ZNF561: variants seen among roughly 807,000 people sequenced by gnomAD.
ZNF561 encodes zinc finger protein 561.
In ZNF561, 16 loss-of-function variants were observed where a neutral mutation model predicts 16.7. That is an observed-to-expected ratio of 0.96 (90% confidence interval 0.65 to 1.45). The LOEUF (loss-of-function observed/expected upper bound fraction) is 1.45. Among genes scored for constraint, ZNF561 ranks in the 40% most tolerant of loss-of-function variants. ZNF561 has a pLI of 0.00. For missense variants in ZNF561, 580 were observed against 578.0 expected, an observed-to-expected ratio of 1.00 and a Z score of -0.04; for synonymous variants, 190 against 192.1, an observed-to-expected ratio of 0.99 and a Z score of 0.09.
chr19:9,618,879 G>T (rs1288396532), intron 2 of ZNF561, among the ~76,000 whole-genome samples: 1 of 152,174 alleles, frequency 6.6e-6, no homozygotes, highest in Admixed American at 6.5e-5. Context: ...TACTTTGGGA[G>T]GCCAAGGCGG....
At chr19:9,614,687 T>C (rs1319687170) in intron 4 of ZNF561, among the ~76,000 whole-genome samples, 6 of 152,072 alleles carry the variant, frequency 3.9e-5, no homozygotes, top group African/African-American at 1.4e-4. Context: ...ATAAACAGCA[T>C]GTATCAGAAT....
chr19:9,620,080 C>T (rs1159479179), intron 1 of ZNF561, among the ~76,000 whole-genome samples: 1 of 151,758 alleles, frequency 6.6e-6, no homozygotes, highest in South Asian at 2.1e-4. Context: ...AGGTGCGTAT[C>T]ATCACTCATT....
chr19:9,616,235 C>T (rs1477068656), intron 4 of ZNF561, among the ~76,000 whole-genome samples: 1 of 152,156 alleles, frequency 6.6e-6, no homozygotes, highest in Non-Finnish European at 1.5e-5. Context: ...TAACATACAT[C>T]TGCCCTATAA....
At chr19:9,617,769 CTGA>C (rs1452710227) in intron 3 of ZNF561, 2 of 464,382 alleles carry the variant, frequency 4.3e-6, no homozygotes, top group African/African-American at 2.0e-5. Context: ...CTGATAAATG[CTGA>C]TAAGTGAATG....
In ZNF561 at chr19:9,617,403, T is replaced by C. The variant is rs1025819010; in HGVS notation, c.115-232A>G. 4.3e-6 allele frequency: 4 copies of C among 929,156 alleles called. No individual in the cohort carries two copies. In the African/African-American group the frequency reaches 6.9e-5, roughly 16 times the overall value. 57.6% of individuals were successfully genotyped at this position (929,156 alleles called of 1,614,324 possible). ...AAAATTTTTTTAAATCTTTTTTTGC[T>C]GATCTATTTTTAATTTTTTAATATT... On this transcript the variant is annotated intron_variant, in intron 3 of 5. Transcript: ENST00000302851.
rs565438311 is a variant in ZNF561 at position 9,618,077 on chromosome 19, C to T, written c.114+14G>A. 223 of 1,547,912 alleles carry T rather than the reference C, an allele frequency of 1.4e-4. No homozygotes were observed. The highest frequency in any genetic ancestry group is 1.9e-4 in the Non-Finnish European group (214 of 1,144,136). ...AAGCATATCATTTTTAACAACAGTA[C>T]GTTTTCTGCTTACCTGATAACCACT... On this transcript the variant is annotated intron_variant, in intron 3 of 5. Transcript: ENST00000302851.
chr19:9,616,448 T>A (rs1400547664), intron 4 of ZNF561, among the ~76,000 whole-genome samples: 2 of 151,518 alleles, frequency 1.3e-5, no homozygotes, highest in African/African-American at 4.9e-5. Context: ...GTCTGGCTAA[T>A]TTTTGTATTT....
chr19:9,619,258 AAAATAAAT>A (rs551187542), intron 2 of ZNF561, 166 bp downstream of exon 2: 56 of 386,316 alleles, frequency 1.4e-4, no homozygotes, highest in Non-Finnish European at 2.1e-4. Context: ...TTCTGTCTCA[AAAATAAAT>A]AAATAAATAA....
chr19:9,616,532 C>T (rs572291093), intron 4 of ZNF561, among the ~76,000 whole-genome samples: 21 of 152,098 alleles, frequency 1.4e-4, no homozygotes, highest in East Asian at 1.4e-3. Flanking sequence ...CTGCCCGCCT[C>T]GGCCTCCCAA....
In ZNF561 at chr19:9,608,638, A is replaced by G. The variant is rs2074391870; in HGVS notation, c.*1562T>C. On this transcript the variant is annotated 3_prime_UTR_variant, in exon 6 of 6. Coordinates refer to ENST00000302851, the MANE Select transcript of ZNF561 (RefSeq NM_152289.3). ...GAAAAATTCTGATGTGCAAGCTGGA[A>G]GTAAGGTTGGTAAGGGTGATCCTGG... 2 of 152,214 alleles carry G rather than the reference A, an allele frequency of 1.3e-5. No homozygotes were observed. Among genetic ancestry groups the G allele is most frequent in the Admixed American group, 6.6e-5 (1 of 15,266 alleles). 9.4% of individuals were successfully genotyped at this position (152,214 alleles called of 1,614,324 possible).
intron 3 of ZNF561, 35 bp from the exon 4 acceptor site, chr19:9,617,206 G>T: frequency 6.2e-7 from 1 of 1,601,042 alleles, no homozygotes; most frequent in South Asian, 1.1e-5. Flanking sequence ...TTGAGCCAAT[G>T]AACACTTCCA....
rs149650810 is a variant in ZNF561, at chr19:9,619,877, C to CTATCTATCTATATATCTATCTATA, written c.-126-319_-126-296dup. ...TCTATCTATATTTATCTATCTATAT[C>CTATCTATCTATATATCTATCTATA]TATCTATCTATATATCTATCTATAT... On this transcript the variant is annotated intron_variant, in intron 1 of 5. Transcript: ENST00000302851. Among the ~76,000 whole-genome samples, 48 of 148,856 alleles carry CTATCTATCTATATATCTATCTATA rather than the reference C, an allele frequency of 3.2e-4. 1 individual carries two copies. The East Asian group carries it at 8.5e-3, about 26-fold the overall frequency.
Position 9,611,302 on chromosome 19 carries a change from C to T in ZNF561, c.359G>A (p.Cys120Tyr). The T allele has an allele frequency of 3.1e-6, 5 of 1,613,378 alleles. No homozygotes were observed. The highest frequency in any genetic ancestry group is 4.2e-6 in the Non-Finnish European group (5 of 1,179,352). ...CCTGAAGACCTCTCCACAATTCTTACAGTCACAGAGTTTCCATCCACTGTA... is the reference window on the plus strand; with the variant it reads ...CCTGAAGACCTCTCCACAATTCTTATAGTCACAGAGTTTCCATCCACTGTA... ...RGYSGWKLCDCKNCGEVFREQ... is the reference protein window; with the variant it reads ...RGYSGWKLCDYKNCGEVFREQ... The change falls in exon 6 of 6, where the codon TGT becomes TAT. Residue 120 changes from cysteine to tyrosine, a missense_variant. By Grantham distance (194) the Cys-to-Tyr change is radical. Coordinates refer to ENST00000302851, the MANE Select transcript of ZNF561 (RefSeq NM_152289.3).
In ZNF561 at chr19:9,611,191, C is replaced by G. The variant is rs757931876; in HGVS notation, c.470G>C (p.Ser157Thr). Residue 157 changes from serine to threonine, a missense_variant, in exon 6 of 6, where the codon AGT (serine) becomes ACT (threonine). Coordinates refer to ENST00000302851, the MANE Select transcript of ZNF561 (RefSeq NM_152289.3). ...TCCAGTAGAGGCTTCCTTGTGCACA[C>G]TGAGGGTGTCTTTTCCATAACAATT... is the stretch of plus-strand genomic sequence containing the variant. ...EGNCYGKDTL[S>T]VHKEASTGQE... 5.6e-6 allele frequency: 9 copies of G among 1,613,960 alleles called. No individual in the cohort carries two copies. Among genetic ancestry groups the G allele is most frequent in the Non-Finnish European group, 6.8e-6 (8 of 1,179,864 alleles).
rs1264918437 is a variant in ZNF561, at chr19:9,608,610, C to T, written c.*1590G>A. 2 of 151,950 alleles carry T rather than the reference C, an allele frequency of 1.3e-5. No individual in the cohort carries two copies. Among genetic ancestry groups the T allele is most frequent in the Non-Finnish European group, 2.9e-5 (2 of 68,012 alleles). The allele number at this position is 151,950 out of a possible 1,614,324, so 9.4% of individuals were successfully genotyped here. A position where few individuals can be genotyped will look rare whatever the true frequency, so the allele number is the denominator to read the frequency against. ...GCAGATTTGAAACTGACAAATGAGG[C>T]TGGAAAAATTCTGATGTGCAAGCTG... On this transcript the variant is annotated 3_prime_UTR_variant, in exon 6 of 6. Coordinates refer to ENST00000302851, the MANE Select transcript of ZNF561 (RefSeq NM_152289.3).
chr19:9,618,279 G>C (rs1254150586), intron 2 of ZNF561, 100 bp from the exon 3 acceptor site: 2 of 1,161,912 alleles, frequency 1.7e-6, no homozygotes, highest in Non-Finnish European at 2.4e-6. Context: ...ATTCCGATAT[G>C]CTCCTACACA....
Position 9,611,224 on chromosome 19 carries a change from G to A in ZNF561, c.437C>T (p.Ser146Phe), listed in dbSNP as rs1293603579. 3.1e-6 allele frequency: 5 copies of A among 1,613,934 alleles called. No individual in the cohort carries two copies. In the African/African-American group the frequency reaches 5.3e-5, roughly 17 times the overall value. The change falls in exon 6 of 6, where the codon TCT becomes TTT. Residue 146 changes from serine to phenylalanine, a missense_variant. Transcript: ENST00000302851. ...HMRVQNGGNT[S>F]EGNCYGKDTL... The stretch of plus-strand genomic sequence containing the variant: ...GTCTTTTCCATAACAATTACCCTCA[G>A]AAGTATTCCCTCCATTCTGAACTCT...
chr19:9,610,515 C>G lies in ZNF561; in HGVS notation c.1146G>C (p.Gln382His). ...TCTCTCCTGTGTGAATTCTTGTATG[C>G]TGAATAAGACTTGTGGATGTAGTGA... ...KAFTTSTSLI[Q>H]HTRIHTGEKP... Residue 382 changes from glutamine (Q) to histidine (H), a missense_variant, in exon 6 of 6, where the codon CAG becomes CAC. Gln to His is a conservative substitution (Grantham distance 24, BLOSUM62 0). Transcript: ENST00000302851. The G allele has an allele frequency of 6.2e-7, 1 of 1,613,926 alleles. No homozygotes were observed. The highest frequency in any genetic ancestry group is 8.5e-7 in the Non-Finnish European group (1 of 1,179,836).
At chr19:9,620,969 G>A (rs1568240661) in intron 1 of ZNF561, 193 bp downstream of exon 1, 2 of 152,386 alleles carry the variant, frequency 1.3e-5, no homozygotes, top group African/African-American at 2.4e-5. Context: ...TGACCCTGGA[G>A]GCAGAGGTTG....
Sources: gnomAD v4.1 joint callset for allele counts (sites outside exome capture counted in the v4.1 genomes callset) on GRCh38, gnomAD v4.1.1 for gene constraint, MANE v1.5 for transcripts, NCBI Gene and HGNC (gene_info 2026-07-23, HGNC 2026-07-21) for gene names.